RANBP2: variants seen among roughly 807,000 people sequenced by gnomAD.
RANBP2 encodes E3 SUMO-protein ligase RanBP2.
A neutral mutation model predicts 303.6 loss-of-function variants in RANBP2; 57 were observed. The ratio of observed to expected loss-of-function variants is 0.19; its 90% CI spans 0.15 to 0.23. The LOEUF (loss-of-function observed/expected upper bound fraction) is 0.23. Ranked by LOEUF, RANBP2 falls within the 10% of genes least tolerant of loss-of-function variation. The pLI, the probability that RANBP2 is intolerant of heterozygous loss-of-function variation, is 1.00. For missense variants in RANBP2, 3,138 were observed against 3,780.8 expected (o/e 0.83, Z 4.46); for synonymous variants, 1,167 against 1,301.5 (o/e 0.90, Z 2.23).
chr2:109,371,455 A>G, the RANBP2 span: 1 of 670,938 alleles, frequency 1.5e-6, no homozygotes, highest in East Asian at 2.7e-5. Context: ...ACCTGAATGG[A>G]TAATGCACTC....
At chr2:108,970,643 C>A in the RANBP2 span, among the ~76,000 whole-genome samples, 1 of 152,042 alleles carries the variant, frequency 6.6e-6, no homozygotes, top group Non-Finnish European at 1.5e-5. Flanking sequence ...TACTTCACTT[C>A]CTTCCTGCTC....
the RANBP2 span, among the ~76,000 whole-genome samples, chr2:109,642,913 GCCTGTAATCCCA>G: frequency 6.6e-6 from 1 of 151,938 alleles, no homozygotes; most frequent in East Asian, 1.9e-4. Flanking sequence ...GGTGGCTCAC[GCCTGTAATCCCA>G]ACACTCCAGA....
At chr2:109,615,036 T>G in the RANBP2 span, 1 of 1,548,072 alleles carries the variant, frequency 6.5e-7, no homozygotes, top group Non-Finnish European at 8.7e-7. Context: ...GCCACATGGC[T>G]GCGAGGAGGC....
At chr2:109,302,336 A>C in the RANBP2 span, among the ~76,000 whole-genome samples, 1 of 152,368 alleles carries the variant, frequency 6.6e-6, no homozygotes, top group Admixed American at 6.5e-5. Context: ...AGGATGGGAA[A>C]GTTAGGCTGC....
At chr2:109,031,184 C>T in the RANBP2 span, among the ~76,000 whole-genome samples, 1 of 152,100 alleles carries the variant, frequency 6.6e-6, no homozygotes, top group Non-Finnish European at 1.5e-5. Context: ...TTATAAATAG[C>T]CATTTCCTTT....
At chr2:108,941,621 C>T in the RANBP2 span, among the ~76,000 whole-genome samples, 4 of 152,294 alleles carry the variant, frequency 2.6e-5, no homozygotes, top group East Asian at 7.7e-4. Flanking sequence ...AAAACGATCT[C>T]CTTGGCCCAG....
the RANBP2 span, among the ~76,000 whole-genome samples, chr2:108,793,623 G>A: frequency 6.6e-6 from 1 of 150,428 alleles, no homozygotes; most frequent in African/African-American, 2.4e-5. Context: ...TTGAGATGGA[G>A]TCTCGCTCTG....
chr2:108,812,237 C>T, the RANBP2 span, among the ~76,000 whole-genome samples: 1 of 152,082 alleles, frequency 6.6e-6, no homozygotes, highest in Non-Finnish European at 1.5e-5. Flanking sequence ...AGTATATACA[C>T]AGACACATAT....
chr2:109,453,354 G>T, the RANBP2 span, among the ~76,000 whole-genome samples: 2 of 152,196 alleles, frequency 1.3e-5, no homozygotes, highest in African/African-American at 2.4e-5. Flanking sequence ...TGGTCTTCAG[G>T]ATTTAAGTTA....
chr2:109,029,457 A>C, the RANBP2 span, among the ~76,000 whole-genome samples: 2 of 152,192 alleles, frequency 1.3e-5, no homozygotes, highest in Admixed American at 6.5e-5. Context: ...CTGATGCCTG[A>C]AGTTATTGAA....
At chr2:109,613,765 C>T in the RANBP2 span, 1 of 1,208,420 alleles carries the variant, frequency 8.3e-7, no homozygotes, top group Admixed American at 4.3e-5. Context: ...CCGGGGAGCG[C>T]GGGGCTGGGG....
At chr2:109,266,617 C>G in the RANBP2 span, among the ~76,000 whole-genome samples, 9 of 151,978 alleles carry the variant, frequency 5.9e-5, no homozygotes, top group Non-Finnish European at 1.0e-4. Context: ...CAGAGCAGGG[C>G]TCCCCTCAGG....
chr2:109,142,062 A>G, the RANBP2 span, among the ~76,000 whole-genome samples: 6 of 148,920 alleles, frequency 4.0e-5, no homozygotes, highest in Non-Finnish European at 7.4e-5. Flanking sequence ...GGTCTCAGGT[A>G]TGTGCCTAGA....
the RANBP2 span, among the ~76,000 whole-genome samples, chr2:109,451,413 T>C: frequency 3.3e-5 from 5 of 152,168 alleles, no homozygotes. Context: ...ACTTGGAAAG[T>C]GGGGGCTGTA....
At chr2:109,452,649 A>G in the RANBP2 span, among the ~76,000 whole-genome samples, 2 of 152,186 alleles carry the variant, frequency 1.3e-5, no homozygotes, top group African/African-American at 4.8e-5. Context: ...GAGAAGGAAG[A>G]AGCCCCAAAA....
At chr2:109,448,797 T>A in the RANBP2 span, among the ~76,000 whole-genome samples, 364 of 152,280 alleles carry the variant, frequency 2.4e-3, 1 homozygote, top group African/African-American at 8.2e-3. Context: ...GTGGAAAAAT[T>A]GTCTTCCACA....
At chr2:109,272,082 C>A in the RANBP2 span, among the ~76,000 whole-genome samples, 1 of 152,194 alleles carries the variant, frequency 6.6e-6, no homozygotes, top group African/African-American at 2.4e-5. Context: ...GGGCCTCCTG[C>A]CCCCACCACT....
chr2:109,675,305 C>T, the RANBP2 span, among the ~76,000 whole-genome samples: 2 of 152,204 alleles, frequency 1.3e-5, no homozygotes, highest in Non-Finnish European at 2.9e-5. Flanking sequence ...GGCTCACAGG[C>T]AAGTTCTTCC....
At chr2:108,816,024 TGAA>T in the RANBP2 span, 2 of 1,613,806 alleles carry the variant, frequency 1.2e-6, no homozygotes, top group East Asian at 4.5e-5. Context: ...AAGTGAAACA[TGAA>T]GAATCTGGAA....
Sources: gnomAD v4.1 joint callset for allele counts (sites outside exome capture counted in the v4.1 genomes callset) on GRCh38, gnomAD v4.1.1 for gene constraint, MANE v1.5 for transcripts, NCBI Gene and HGNC (gene_info 2026-07-23, HGNC 2026-07-21) for gene names.